SATL1: variants seen among roughly 807,000 people sequenced by gnomAD.
The protein encoded by SATL1 is spermidine/spermine N1-acetyl transferase like 1, also known as spermidine/spermine N(1)-acetyltransferase-like protein 1.
A neutral mutation model predicts 51.8 loss-of-function variants in SATL1; 47 were observed. That is an observed-to-expected ratio of 0.91 (90% CI 0.72 to 1.16). SATL1 has a LOEUF of 1.16. SATL1 is among the 50% of genes most tolerant of loss of function. The pLI, the probability that SATL1 is intolerant of heterozygous loss-of-function variation, is 0.00. For synonymous variants in SATL1, 176 were observed against 182.4 expected (o/e 0.97, Z 0.28); for missense variants, 520 against 526.4 (o/e 0.99, Z 0.12).
At chrX:85,100,258 ATC>A (rs1422583836) in intron 4 of SATL1, among the ~76,000 whole-genome samples, 2 of 112,569 alleles carry the variant, frequency 1.8e-5, no homozygotes, top group Non-Finnish European at 3.8e-5. Flanking sequence ...AGGTAAAACT[ATC>A]TATTTGCAGA....
chrX:85,121,307 T>C (rs1275303428), intron 2 of SATL1, among the ~76,000 whole-genome samples: 3 of 105,290 alleles, frequency 2.8e-5, no homozygotes, highest in Non-Finnish European at 5.8e-5. Flanking sequence ...AATATGTATA[T>C]ATAAATATAT....
chrX:85,181,818 G>C (rs770937995), intron 2 of SATL1, among the ~76,000 whole-genome samples: 1 of 111,560 alleles, frequency 9.0e-6, no homozygotes, highest in Admixed American at 9.5e-5. Flanking sequence ...TATCAAAATT[G>C]TAATACAAAC....
intron 2 of SATL1, among the ~76,000 whole-genome samples, chrX:85,221,685 G>GA (rs780317162): frequency 1.8e-5 from 2 of 111,881 alleles, no homozygotes; most frequent in East Asian, 5.7e-4. Context: ...GGCTATCCCA[G>GA]AAAAAAACCT....
chrX:85,199,278 T>G (rs931021864), intron 2 of SATL1, among the ~76,000 whole-genome samples: 1 of 111,017 alleles, frequency 9.0e-6, no homozygotes, highest in Non-Finnish European at 1.9e-5. Flanking sequence ...AAACACATAT[T>G]AAATTTGCTA....
chrX:85,193,704 TTGTTCCCTTCTTTG>T (rs1927490736), intron 2 of SATL1, among the ~76,000 whole-genome samples: 1 of 111,707 alleles, frequency 9.0e-6, no homozygotes, highest in East Asian at 2.8e-4. Context: ...TCAGTATCTG[TTGTTCCCTTCTTTG>T]TGTTCATAGG....
intron 2 of SATL1, among the ~76,000 whole-genome samples, chrX:85,139,167 C>G (rs1023550542): frequency 9.0e-6 from 1 of 110,824 alleles, no homozygotes; most frequent in African/African-American, 3.3e-5. Context: ...TTAATCCTAC[C>G]AGAGTCCCTC....
At chrX:85,242,671 G>C (rs1928648439) in intron 1 of SATL1, among the ~76,000 whole-genome samples, 1 of 111,952 alleles carries the variant, frequency 8.9e-6, no homozygotes, top group Admixed American at 9.4e-5. Context: ...GCGCACACGA[G>C]CATGCTCCTT....
At chrX:85,133,970 T>G (rs1222158046) in intron 2 of SATL1, among the ~76,000 whole-genome samples, 1 of 112,019 alleles carries the variant, frequency 8.9e-6, no homozygotes, top group Non-Finnish European at 1.9e-5. Context: ...CTTTTCATTG[T>G]TCAAAAAGAA....
rs187297393 is a variant in SATL1 at position 85,210,607 on chromosome X, G to A, written c.-313+13598C>T. ...CTTTCTTGCCTGATAAGAGAAAGAA[G>A]CCTAGACCAATGAAATTAAGTCCAC... is the stretch of plus-strand genomic sequence containing the variant. On this transcript the variant is annotated intron_variant, in intron 2 of 7. Transcript: ENST00000644105. The A allele has an allele frequency of 4.5e-5, 5 of 110,276 alleles. No individual in the cohort carries two copies. The East Asian group carries it at 1.4e-3, about 32-fold the overall frequency. 9.1% of individuals were successfully genotyped at this position (110,276 alleles called of 1,213,427 possible).
chrX:85,236,894 T>C (rs1455088673), intron 1 of SATL1, among the ~76,000 whole-genome samples: 1 of 111,500 alleles, frequency 9.0e-6, no homozygotes, highest in Non-Finnish European at 1.9e-5. Context: ...GAAGTCAAAT[T>C]ATCCTTGTTT....
intron 5 of SATL1, 66 bp downstream of exon 5, chrX:85,094,849 CT>C (rs1482962264): frequency 2.2e-4 from 148 of 684,566 alleles, no homozygotes; most frequent in Admixed American, 3.4e-4. Flanking sequence ...TGCTACAAAA[CT>C]GTACTATTTT....
intron 2 of SATL1, among the ~76,000 whole-genome samples, chrX:85,122,001 A>C (rs972927652): frequency 9.3e-6 from 1 of 107,236 alleles, no homozygotes; most frequent in Non-Finnish European, 1.9e-5. Flanking sequence ...GTCATTTGTC[A>C]GTTTAAAAAT....
chrX:85,151,722 T>C, intron 2 of SATL1, among the ~76,000 whole-genome samples: 1 of 111,628 alleles, frequency 9.0e-6, no homozygotes, highest in Non-Finnish European at 1.9e-5. Flanking sequence ...GGGGAAAGAA[T>C]TCCCTATTTA....
intron 2 of SATL1, among the ~76,000 whole-genome samples, chrX:85,179,093 T>C (rs763226773): frequency 5.3e-5 from 6 of 112,261 alleles, no homozygotes; most frequent in Admixed American, 1.9e-4. Flanking sequence ...GGACTTGAAA[T>C]GTGGCAAGTA....
At chrX:85,171,671 G>A (rs1926975342) in intron 2 of SATL1, among the ~76,000 whole-genome samples, 1 of 111,325 alleles carries the variant, frequency 9.0e-6, no homozygotes, top group Non-Finnish European at 1.9e-5. Context: ...TCTAAAAAAT[G>A]GGGACAAAAC....
chrX:85,205,337 G>A (rs933985787), intron 2 of SATL1, among the ~76,000 whole-genome samples: 1 of 112,072 alleles, frequency 8.9e-6, no homozygotes, highest in Non-Finnish European at 1.9e-5. Context: ...CTCATATTGA[G>A]TCTTGTCCTC....
intron 2 of SATL1, among the ~76,000 whole-genome samples, chrX:85,159,639 G>GTT (rs201424740): frequency 1.8e-5 from 2 of 111,103 alleles, no homozygotes; most frequent in African/African-American, 6.6e-5. Context: ...ATTTTACCAT[G>GTT]TTTTTTTTCA....
intron 2 of SATL1, among the ~76,000 whole-genome samples, chrX:85,119,227 C>T (rs1468811211): frequency 8.9e-6 from 1 of 111,853 alleles, no homozygotes. Context: ...CCTCTTTCAG[C>T]ACCTCTGCTC....
intron 2 of SATL1, among the ~76,000 whole-genome samples, chrX:85,147,578 G>A (rs1926291308): frequency 8.9e-6 from 1 of 112,073 alleles, no homozygotes; most frequent in Admixed American, 9.4e-5. Flanking sequence ...CCCCCCAGTA[G>A]GGGCAGACTG....
Sources: gnomAD v4.1 joint callset for allele counts (sites outside exome capture counted in the v4.1 genomes callset) on GRCh38, gnomAD v4.1.1 for gene constraint, MANE v1.5 for transcripts, NCBI Gene and HGNC (gene_info 2026-07-23, HGNC 2026-07-21) for gene names.